DOCK8: variants seen among roughly 807,000 people sequenced by gnomAD.
The protein encoded by DOCK8 is dedicator of cytokinesis 8, also known as dedicator of cytokinesis protein 8.
A neutral mutation model predicts 245.6 loss-of-function variants in DOCK8; 141 were observed. The ratio of observed to expected loss-of-function variants is 0.57; its 90% CI spans 0.50 to 0.66. The LOEUF (loss-of-function observed/expected upper bound fraction) is 0.66, where lower values mean the gene tolerates loss of function less well. Among genes scored for constraint, DOCK8 ranks in the 30% least tolerant of loss-of-function variants. The pLI, the probability that DOCK8 is intolerant of heterozygous loss-of-function variation, is 0.00. For synonymous variants in DOCK8, 1,168 were observed against 970.2 expected, an observed-to-expected ratio of 1.20 and a Z score of -3.79; for missense variants, 2,965 against 2,603.4, an observed-to-expected ratio of 1.14 and a Z score of -3.02.
At chr9:395,354 G>GT (rs924061390) in intron 24 of DOCK8, among the ~76,000 whole-genome samples, 6 of 152,062 alleles carry the variant, frequency 3.9e-5, no homozygotes, top group African/African-American at 1.2e-4. Context: ...CCTTCCCTTT[G>GT]TTTTTTCTGT....
intron 1 of DOCK8, among the ~76,000 whole-genome samples, chr9:244,315 C>T (rs1229757171): frequency 2.6e-5 from 4 of 151,372 alleles, no homozygotes; most frequent in Non-Finnish European, 4.4e-5. Context: ...TATACTGAAA[C>T]GAAACCATAT....
intron 46 of DOCK8, among the ~76,000 whole-genome samples, chr9:462,400 C>G (rs1776590305): frequency 6.6e-6 from 1 of 152,210 alleles, no homozygotes; most frequent in African/African-American, 2.4e-5. Context: ...TGGCCCTAAG[C>G]TGATAGCAAG....
chr9:367,320 G>A (rs936254082), intron 14 of DOCK8, among the ~76,000 whole-genome samples: 1 of 152,158 alleles, frequency 6.6e-6, no homozygotes, highest in Non-Finnish European at 1.5e-5. Context: ...TCTAGTGCTG[G>A]AGATACATCA....
At chr9:275,485 C>G (rs1350982449) in intron 2 of DOCK8, among the ~76,000 whole-genome samples, 1 of 152,144 alleles carries the variant, frequency 6.6e-6, no homozygotes, top group Non-Finnish European at 1.5e-5. Context: ...ATCAGAATTC[C>G]TGGGGGTGGG....
At chr9:331,981 A>G (rs1312042125) in intron 9 of DOCK8, among the ~76,000 whole-genome samples, 1 of 152,258 alleles carries the variant, frequency 6.6e-6, no homozygotes, top group African/African-American at 2.4e-5. Flanking sequence ...AAGCAATAAT[A>G]AAGAAAATGA....
intron 14 of DOCK8, among the ~76,000 whole-genome samples, chr9:341,102 C>G (rs999643945): frequency 7.9e-5 from 12 of 152,180 alleles, no homozygotes; most frequent in African/African-American, 2.9e-4. Flanking sequence ...TGTGTGCCAG[C>G]AGTACAATAG....
At chr9:384,682 T>C (rs986370563) in intron 22 of DOCK8, among the ~76,000 whole-genome samples, 17 of 152,184 alleles carry the variant, frequency 1.1e-4, no homozygotes, top group African/African-American at 2.4e-4. Context: ...TTTCGGAGGC[T>C]GAGGCGGGCA....
At position 400,023 on chromosome 9, in the gene DOCK8, C is replaced by CACCACCTCCACCACCAGCACT. The variant is rs1388193541; in HGVS notation, c.3234+764_3234+765insACCACCTCCACCACCAGCACT. 6.2e-4 allele frequency among the ~76,000 whole-genome samples: 78 copies of CACCACCTCCACCACCAGCACT among 125,396 alleles called. 8 individuals are homozygous for CACCACCTCCACCACCAGCACT. The highest frequency in any genetic ancestry group is 6.1e-3 in the Admixed American group (76 of 12,450). The allele number at this position is 125,396 out of a possible 152,430, so 82.3% of individuals were successfully genotyped here. ...CCACCACCTCCACCATCACCACCAC[C>CACCACCTCCACCACCAGCACT]TCCACCATCACCACCACCACCTCCA... On this transcript the variant is annotated intron_variant, in intron 26 of 47. Coordinates refer to ENST00000432829, the MANE Select transcript of DOCK8 (RefSeq NM_203447.4).
intron 18 of DOCK8, among the ~76,000 whole-genome samples, chr9:374,236 G>C (rs889762200): frequency 6.6e-6 from 1 of 152,124 alleles, no homozygotes; most frequent in East Asian, 1.9e-4. Context: ...TGCACTGTCT[G>C]ATAAGATAGC....
intron 43 of DOCK8, 141 bp downstream of exon 43, chr9:443,657 T>A: frequency 1.5e-6 from 1 of 671,828 alleles, no homozygotes; most frequent in Non-Finnish European, 2.6e-6. Flanking sequence ...GTTCAACTAC[T>A]AATTGGTCAG....
At chr9:408,404 C>T (rs369740831) in intron 28 of DOCK8, among the ~76,000 whole-genome samples, 6 of 152,174 alleles carry the variant, frequency 3.9e-5, no homozygotes, top group Admixed American at 3.3e-4. Flanking sequence ...ATAAACTGGC[C>T]TGAGTATATC....
At chr9:225,140 C>A (rs1221245738) in intron 1 of DOCK8, among the ~76,000 whole-genome samples, 2 of 150,910 alleles carry the variant, frequency 1.3e-5, no homozygotes, top group East Asian at 3.9e-4. Flanking sequence ...CACAAACAGA[C>A]AAGCAGCCTA....
intron 2 of DOCK8, among the ~76,000 whole-genome samples, chr9:282,413 GTTT>G (rs58014606): frequency 7.6e-6 from 1 of 131,766 alleles, no homozygotes. Context: ...GTTTCGTTTT[GTTT>G]TTTTTTTTTT....
intron 14 of DOCK8, among the ~76,000 whole-genome samples, chr9:351,251 A>C (rs565813920): frequency 6.6e-6 from 1 of 152,192 alleles, no homozygotes; most frequent in Non-Finnish European, 1.5e-5. Context: ...ATGTGATCTC[A>C]TCATCGGGGA....
chr9:215,120 A>C, intron 1 of DOCK8, 91 bp downstream of exon 1: 1 of 1,487,456 alleles, frequency 6.7e-7, no homozygotes, highest in Non-Finnish European at 8.9e-7. Flanking sequence ...AGGCCGGACG[A>C]GTCCATTCGC....
chr9:310,395 G>C (rs998914935), intron 5 of DOCK8, among the ~76,000 whole-genome samples: 1 of 152,120 alleles, frequency 6.6e-6, no homozygotes, highest in Non-Finnish European at 1.5e-5. Context: ...TTAGTAACTT[G>C]TAGGGTCATT....
chr9:214,402 T>C (rs188411945), upstream of DOCK8: 45 of 1,053,134 alleles, frequency 4.3e-5, no homozygotes, highest in African/African-American at 6.5e-4. Flanking sequence ...GATGGGCATA[T>C]TGCTTGCAAA....
intron 10 of DOCK8, 150 bp from the exon 11 acceptor site, chr9:334,075 C>CTA: frequency 2.4e-6 from 2 of 828,742 alleles, no homozygotes. Context: ...TCTGCCTATT[C>CTA]ACTGTTTTTA....
At chr9:384,693 G>A (rs919148408) in intron 22 of DOCK8, among the ~76,000 whole-genome samples, 1 of 152,130 alleles carries the variant, frequency 6.6e-6, no homozygotes, top group East Asian at 1.9e-4. Context: ...GAGGCGGGCA[G>A]ATCACGAGGT....
Sources: allele counts gnomAD v4.1 joint callset (sites outside exome capture counted in the v4.1 genomes callset), GRCh38; gene constraint gnomAD v4.1.1; transcripts MANE v1.5; gene names NCBI Gene and HGNC (gene_info 2026-07-23, HGNC 2026-07-21).